Variants in TYW1 observed in about 807,000 individuals in gnomAD.
The protein encoded by TYW1 is tRNA-yW synthesizing protein 1 homolog.
In TYW1, 46 loss-of-function variants were observed where a neutral mutation model predicts 96.2. That is an observed-to-expected ratio of 0.48 (90% CI 0.38 to 0.61). TYW1 has a LOEUF of 0.61. Among genes scored for constraint, TYW1 ranks in the 20% least tolerant of loss-of-function variants. The probability of loss-of-function intolerance (pLI) is 0.00; values close to 1 mark genes in which losing one functional copy is unlikely to be tolerated. For synonymous variants in TYW1, 274 were observed against 323.0 expected, an observed-to-expected ratio of 0.85 and a Z score of 1.63; for missense variants, 684 against 909.6, an observed-to-expected ratio of 0.75 and a Z score of 3.19.
chr7:67,206,636 T>TAAAA, intron 15 of TYW1, among the ~76,000 whole-genome samples: 1 of 148,776 alleles, frequency 6.7e-6, no homozygotes, highest in East Asian at 2.0e-4. Flanking sequence ...AATAAATAAA[T>TAAAA]AAATAAATAA....
At chr7:67,116,075 C>T (rs1246565470) in intron 12 of TYW1, among the ~76,000 whole-genome samples, 1 of 151,970 alleles carries the variant, frequency 6.6e-6, no homozygotes, top group African/African-American at 2.4e-5. Context: ...CCTGTAATCC[C>T]AGCACTTTGG....
rs1196631221 is a variant in TYW1, at chr7:67,014,570, A to G, written c.570+9A>G. The G allele has an allele frequency of 3.8e-6, 6 of 1,595,256 alleles. No individual in the cohort carries two copies. The highest frequency in any genetic ancestry group is 2.7e-5 in the African/African-American group (2 of 74,468). ...CTAGCCACTTCAACAAGGTAGGTCT[A>G]TATTGAATTATAGGAATAAATTCTC... On this transcript the variant is annotated intron_variant, in intron 5 of 15. Transcript: ENST00000359626.
At chr7:67,083,096 G>A (rs912944969) in intron 10 of TYW1, among the ~76,000 whole-genome samples, 7 of 152,270 alleles carry the variant, frequency 4.6e-5, no homozygotes, top group African/African-American at 1.4e-4. Context: ...CGACGTAGAT[G>A]ACAGTAACAT....
chr7:67,196,892 G>A (rs1236508811), intron 15 of TYW1, among the ~76,000 whole-genome samples: 2 of 152,138 alleles, frequency 1.3e-5, no homozygotes, highest in Non-Finnish European at 2.9e-5. Context: ...ACACCAGGGT[G>A]TGCAGCAAGG....
rs189226134 is a variant in TYW1, at chr7:67,221,389, A to G, written c.1978-16919A>G. 3.0e-4 allele frequency among the ~76,000 whole-genome samples: 46 copies of G among 152,304 alleles called. No individual in the cohort carries two copies. In the East Asian group the frequency reaches 7.9e-3, roughly 26 times the overall value. The stretch of plus-strand genomic sequence containing the variant: ...CAATCCACTTGTATCTTTGGGTTCA[A>G]AGCGAATCTATTGTAGATAGCATAG... On this transcript the variant is annotated intron_variant, in intron 15 of 15. Coordinates refer to ENST00000359626, the MANE Select transcript of TYW1 (RefSeq NM_018264.4).
intron 15 of TYW1, among the ~76,000 whole-genome samples, chr7:67,207,044 C>T (rs374852785): frequency 6.2e-4 from 94 of 152,134 alleles, no homozygotes; most frequent in African/African-American, 2.1e-3. Context: ...GCCAGAAACG[C>T]CCTCCTTTCC....
At chr7:67,113,834 TCAC>T (rs1376224042) in intron 12 of TYW1, among the ~76,000 whole-genome samples, 1 of 152,114 alleles carries the variant, frequency 6.6e-6, no homozygotes, top group Non-Finnish European at 1.5e-5. Flanking sequence ...AGATGGGGTT[TCAC>T]CATGTTGGCC....
rs190266226 is a variant in TYW1 at position 67,091,420 on chromosome 7, G to T, written c.1385-7121G>T. On this transcript the variant is annotated intron_variant, in intron 11 of 15. Transcript: ENST00000359626. ...CACACATCGGGGCCTGTCATGGGTT[G>T]GGGGGAGGGGGGAGGGATAGCATTA... Among the ~76,000 whole-genome samples, 262 of 146,010 alleles carry T rather than the reference G, an allele frequency of 1.8e-3. 1 individual carries two copies. Among genetic ancestry groups the T allele is most frequent in the African/African-American group, 6.4e-3 (251 of 39,522 alleles).
chr7:67,055,985 T>A, intron 9 of TYW1, 98 bp downstream of exon 9: 1 of 908,782 alleles, frequency 1.1e-6, no homozygotes, highest in Non-Finnish European at 1.6e-6. Flanking sequence ...GAGGTATAAT[T>A]TACATTTAAT....
At chr7:67,185,938 CT>C in intron 14 of TYW1, among the ~76,000 whole-genome samples, 1 of 131,288 alleles carries the variant, frequency 7.6e-6, no homozygotes, top group Middle Eastern at 3.7e-3. Flanking sequence ...TGGTGTTACT[CT>C]AGAGGGGTGG....
chr7:67,180,099 T>G (rs1039401393), intron 13 of TYW1, among the ~76,000 whole-genome samples: 1 of 131,940 alleles, frequency 7.6e-6, no homozygotes, highest in African/African-American at 3.1e-5. Flanking sequence ...TGTGCTGAGA[T>G]TACAGGCGTG....
intron 15 of TYW1, among the ~76,000 whole-genome samples, chr7:67,221,519 C>T (rs985299973): frequency 2.0e-5 from 3 of 152,144 alleles, no homozygotes; most frequent in African/African-American, 4.8e-5. Context: ...GGATTTACTT[C>T]TGTCATTTTG....
chr7:67,105,170 C>T (rs1307630332), intron 12 of TYW1, among the ~76,000 whole-genome samples: 2 of 152,242 alleles, frequency 1.3e-5, no homozygotes, highest in African/African-American at 2.4e-5. Flanking sequence ...GCTAGTCACA[C>T]GGTGGAGCTT....
At chr7:67,086,184 A>T (rs1796544467) in intron 11 of TYW1, among the ~76,000 whole-genome samples, 1 of 152,108 alleles carries the variant, frequency 6.6e-6, no homozygotes, top group Non-Finnish European at 1.5e-5. Context: ...ACATTCTTAT[A>T]CTTGGATAAA....
In TYW1 at chr7:67,154,777, G is replaced by A. The variant is rs377150647; in HGVS notation, c.1699-28349G>A. 5.7e-3 allele frequency among the ~76,000 whole-genome samples: 866 copies of A among 152,108 alleles called. 3 individuals are homozygous for A. Among genetic ancestry groups the A allele is most frequent in the Middle Eastern group, 0.017 (5 of 292 alleles). On this transcript the variant is annotated intron_variant, in intron 13 of 15. Transcript: ENST00000359626. The stretch of plus-strand genomic sequence containing the variant: ...TTATTTTATTAAATAGGTTTTTTAT[G>A]CCTTTGTCCATTTCTTCTCTTTCTG...
chr7:67,067,435 A>G, intron 10 of TYW1, 32 bp downstream of exon 10: 2 of 1,612,014 alleles, frequency 1.2e-6, no homozygotes, highest in Non-Finnish European at 1.7e-6. Context: ...TGGTGATCGA[A>G]TATGTAATGA....
chr7:67,200,354 GA>G (rs1273753908), intron 15 of TYW1, among the ~76,000 whole-genome samples: 3 of 152,118 alleles, frequency 2.0e-5, no homozygotes, highest in Admixed American at 2.0e-4. Flanking sequence ...ATTTATAAAG[GA>G]AAAGAGGTTT....
At chr7:67,112,617 T>A (rs1312033031) in intron 12 of TYW1, among the ~76,000 whole-genome samples, 1 of 142,350 alleles carries the variant, frequency 7.0e-6, no homozygotes, top group Non-Finnish European at 1.5e-5. Flanking sequence ...CTCTTGTCTT[T>A]AAAAAAAAAA....
Position 67,120,860 on chromosome 7 carries a change from C to T in TYW1, c.1698+3242C>T, listed in dbSNP as rs575959109. Among the ~76,000 whole-genome samples the T allele has an allele frequency of 3.2e-3, 484 of 152,318 alleles. 2 individuals carry two copies. Among genetic ancestry groups the T allele is most frequent in the Non-Finnish European group, 4.7e-3 (319 of 68,036 alleles). On this transcript the variant is annotated intron_variant, in intron 13 of 15. Coordinates refer to ENST00000359626, the MANE Select transcript of TYW1 (RefSeq NM_018264.4). Reference sequence around the variant, plus strand: ...TTTGCTCATGACAGTAATGCAGTAACTTAAAGTTAGAAAATAATTTCAACC... The same window carrying T: ...TTTGCTCATGACAGTAATGCAGTAATTTAAAGTTAGAAAATAATTTCAACC...
Sources: allele counts gnomAD v4.1 joint callset (sites outside exome capture counted in the v4.1 genomes callset), GRCh38; gene constraint gnomAD v4.1.1; transcripts MANE v1.5; gene names NCBI Gene and HGNC (gene_info 2026-07-23, HGNC 2026-07-21).